Variants in SYNE1 observed in about 807,000 individuals in gnomAD.
The protein encoded by SYNE1 is spectrin repeat containing nuclear envelope protein 1.
Under a neutral mutation model 1,111.0 loss-of-function variants are expected in SYNE1, and 616 were observed. The observed-to-expected ratio is 0.55, with a 90% CI of 0.52 to 0.59. SYNE1 has a LOEUF of 0.59. SYNE1 is among the 20% of genes least tolerant of loss of function. The pLI is 0.00. For missense variants in SYNE1, 10,006 were observed against 10,417.0 expected, an observed-to-expected ratio of 0.96 and a Z score of 1.72; for synonymous variants, 3,855 against 3,825.8, an observed-to-expected ratio of 1.01 and a Z score of -0.28.
In SYNE1 at chr6:152,222,568, T is replaced by C. The variant is rs779988258; in HGVS notation, c.21523-1009A>G. 5.1e-4 allele frequency among the ~76,000 whole-genome samples: 78 copies of C among 152,358 alleles called. No individual in the cohort carries two copies. In the Middle Eastern group the frequency reaches 0.02, roughly 40 times the overall value. ...AATTGACAAATAATAATTGTATGTA[T>C]TTGTAGGGTACTATATGATGTTTTG... On this transcript the variant is annotated intron_variant, in intron 117 of 145. Transcript: ENST00000367255.
Position 152,253,427 on chromosome 6 carries a change from CCA to C in SYNE1, c.19470+1451_19470+1452del, listed in dbSNP as rs370530369. Among the ~76,000 whole-genome samples the C allele has an allele frequency of 6.6e-5, 10 of 152,276 alleles. No individual in the cohort carries two copies. The East Asian group carries it at 1.9e-3, about 29-fold the overall frequency. Reference sequence around the variant, plus strand: ...CACATCTCAACTCATTTCATCCTCACCACAGTCTATGAGGCAGTTAATATGAG... The same window carrying C: ...CACATCTCAACTCATTTCATCCTCACCAGTCTATGAGGCAGTTAATATGAG... On this transcript the variant is annotated intron_variant, in intron 104 of 145. Transcript: ENST00000367255.
chr6:152,619,291 TAC>T (rs2128889928), intron 3 of SYNE1, among the ~76,000 whole-genome samples: 1 of 152,256 alleles, frequency 6.6e-6, no homozygotes, highest in South Asian at 2.1e-4. Context: ...TCACTCCTCT[TAC>T]AGAGACCACG....
intron 128 of SYNE1, among the ~76,000 whole-genome samples, chr6:152,188,916 C>T (rs2071087440): frequency 1.6e-5 from 2 of 127,136 alleles, no homozygotes; most frequent in South Asian, 2.5e-4. Flanking sequence ...CGAGATTGTG[C>T]CACTGCACTC....
intron 67 of SYNE1, 127 bp from the exon 68 acceptor site, chr6:152,353,871 G>T (rs1448542483): frequency 8.6e-7 from 1 of 1,168,968 alleles, no homozygotes; most frequent in Non-Finnish European, 1.3e-6. Flanking sequence ...ATTTAATTTT[G>T]AAAATGCCAT....
At chr6:152,496,539 C>T (rs2099000329) in intron 11 of SYNE1, among the ~76,000 whole-genome samples, 1 of 152,114 alleles carries the variant, frequency 6.6e-6, no homozygotes, top group Non-Finnish European at 1.5e-5. Flanking sequence ...CATCACCAAT[C>T]ATTCTATATG....
At chr6:152,277,968 A>C in intron 98 of SYNE1, 121 bp downstream of exon 98, 1 of 1,032,322 alleles carries the variant, frequency 9.7e-7, no homozygotes, top group South Asian at 1.3e-5. Flanking sequence ...TGTCAGCGTA[A>C]AGCAGGTACA....
chr6:152,215,473 A>G (rs2078412854), intron 121 of SYNE1, among the ~76,000 whole-genome samples: 1 of 152,176 alleles, frequency 6.6e-6, no homozygotes. Flanking sequence ...TAATTATATT[A>G]CAAGTATTAT....
At position 152,206,216 on chromosome 6, in the gene SYNE1, G is replaced by T; in HGVS notation, c.22971C>A (p.Ala7657=). Residue 7657 remains alanine (A), a synonymous_variant, in exon 126 of 146, where the codon GCC becomes GCA. Transcript: ENST00000367255. ...TCTTCTGTTCTTCCAGCCGCATGCTGGCTGATTTCCATTTCTCTTGGATTT... is the reference window on the plus strand; with the variant it reads ...TCTTCTGTTCTTCCAGCCGCATGCTTGCTGATTTCCATTTCTCTTGGATTT... ...LAEIQEKWKS[A]SMRLEEQKKK... is the part of the protein sequence containing the mutation. The T allele has an allele frequency of 6.2e-7, 1 of 1,613,752 alleles. No homozygotes were observed. Among genetic ancestry groups the T allele is most frequent in the Non-Finnish European group, 8.5e-7 (1 of 1,180,008 alleles).
chr6:152,362,447 G>A, intron 63 of SYNE1, 124 bp from the exon 64 acceptor site: 1 of 1,341,898 alleles, frequency 7.5e-7, no homozygotes, highest in Middle Eastern at 2.2e-4. Flanking sequence ...AAGCTTGCTT[G>A]GGAGTGAGCA....
intron 8 of SYNE1, among the ~76,000 whole-genome samples, chr6:152,506,074 A>G (rs1169960608): frequency 6.6e-6 from 1 of 152,224 alleles, no homozygotes; most frequent in Non-Finnish European, 1.5e-5. Context: ...TCTTGAGGGC[A>G]AAGCCGTGGT....
chr6:152,264,586 C>T (rs1252018028), intron 100 of SYNE1, among the ~76,000 whole-genome samples: 1 of 151,878 alleles, frequency 6.6e-6, no homozygotes, highest in Non-Finnish European at 1.5e-5. Flanking sequence ...CACTTGAGCC[C>T]AGGAGTTTGA....
chr6:152,353,517 G>A (rs2096778572), intron 68 of SYNE1, 72 bp downstream of exon 68: 1 of 1,611,630 alleles, frequency 6.2e-7, no homozygotes, highest in Non-Finnish European at 8.5e-7. Flanking sequence ...TTCACTGGAT[G>A]TTAGTGAAAG....
intron 29 of SYNE1, 49 bp from the exon 30 acceptor site, chr6:152,444,627 G>A: frequency 1.3e-6 from 2 of 1,542,482 alleles, no homozygotes; most frequent in Non-Finnish European, 1.8e-6. Flanking sequence ...GCTACTTGTT[G>A]AAGTTTGTAT....
intron 3 of SYNE1, among the ~76,000 whole-genome samples, chr6:152,612,205 A>G (rs1321557236): frequency 1.3e-5 from 2 of 151,858 alleles, no homozygotes; most frequent in African/African-American, 2.4e-5. Context: ...AATGAATCTA[A>G]CAGCTGGTTT....
intron 3 of SYNE1, among the ~76,000 whole-genome samples, chr6:152,597,227 G>A (rs1223282271): frequency 2.0e-5 from 3 of 152,074 alleles, no homozygotes; most frequent in Non-Finnish European, 2.9e-5. Flanking sequence ...TTAAATAGAC[G>A]TGCATCTTAC....
intron 3 of SYNE1, among the ~76,000 whole-genome samples, chr6:152,614,185 C>T (rs546543046): frequency 6.6e-6 from 1 of 151,972 alleles, no homozygotes; most frequent in African/African-American, 2.4e-5. Context: ...AAACTACCAT[C>T]AGAGTGAACA....
intron 130 of SYNE1, among the ~76,000 whole-genome samples, chr6:152,174,314 G>A (rs1160306549): frequency 6.6e-6 from 1 of 152,148 alleles, no homozygotes; most frequent in Non-Finnish European, 1.5e-5. Flanking sequence ...TTTAGTGAGG[G>A]AGAAGTGGGA....
chr6:152,588,846 C>G (rs2099548813), intron 3 of SYNE1, among the ~76,000 whole-genome samples: 1 of 152,136 alleles, frequency 6.6e-6, no homozygotes, highest in Non-Finnish European at 1.5e-5. Context: ...TGGGAGGGCA[C>G]CCAGCACTAA....
intron 106 of SYNE1, among the ~76,000 whole-genome samples, chr6:152,243,102 A>C (rs370593259): frequency 7.4e-4 from 113 of 152,364 alleles, no homozygotes; most frequent in African/African-American, 2.6e-3. Flanking sequence ...CTGTTTTCTC[A>C]GGATATCAAT....
Sources: allele counts gnomAD v4.1 joint callset (sites outside exome capture counted in the v4.1 genomes callset), GRCh38; gene constraint gnomAD v4.1.1; transcripts MANE v1.5; gene names NCBI Gene and HGNC (gene_info 2026-07-23, HGNC 2026-07-21).